The following RAPSN variants were observed in gnomAD, a reference collection of about 807,000 sequenced individuals.
RAPSN encodes the protein receptor associated protein of the synapse.
A neutral mutation model predicts 45.7 loss-of-function variants in RAPSN; 33 were observed. That is an observed-to-expected ratio of 0.72 (90% CI 0.55 to 0.97). The LOEUF is 0.97. RAPSN is among the 50% of genes least tolerant of loss of function. The probability of loss-of-function intolerance (pLI) is 0.00; values close to 1 mark genes in which losing one functional copy is unlikely to be tolerated. For missense variants in RAPSN, 519 were observed against 559.4 expected (o/e 0.93, Z 0.73); for synonymous variants, 244 against 233.6 (o/e 1.04, Z -0.40).
intron 2 of RAPSN, among the ~76,000 whole-genome samples, chr11:47,443,466 G>A (rs898623492): frequency 6.6e-6 from 1 of 152,056 alleles, no homozygotes; most frequent in African/African-American, 2.4e-5. Flanking sequence ...TCCCATCTCC[G>A]CACCTCTGCT....
chr11:47,438,916 G>A lies in RAPSN; in HGVS notation c.982C>T (p.Leu328=). The A allele has an allele frequency of 6.4e-7, 1 of 1,558,806 alleles. No homozygotes were observed. Among genetic ancestry groups the A allele is most frequent in the South Asian group, 1.2e-5 (1 of 84,614 alleles). Residue 328 remains leucine, a synonymous_variant, in exon 7 of 8, where the codon CTG becomes TTG. Coordinates refer to ENST00000298854, the MANE Select transcript of RAPSN (RefSeq NM_005055.5). ...EVGNKLSQLK[L]HCLSESIYRS... ...TAAATGCTCTCGCTCAGACAGTGCA[G>A]CTTGAGCTGGCTCAGCTGGGGCCCG...
Position 47,448,792 on chromosome 11 carries a change from C to A in RAPSN, c.173G>T (p.Arg58Leu), listed in dbSNP as rs373437117. 1.9e-6 allele frequency: 3 copies of A among 1,611,430 alleles called. No homozygotes were observed. The highest frequency in any genetic ancestry group is 1.3e-5 in the African/African-American group (1 of 74,934). ...ACCCACCTTCAGCATCTCCTTGTAGCGGCCCATCTCCGAGTGGGCTGTGAC... is the reference window on the plus strand; with the variant it reads ...ACCCACCTTCAGCATCTCCTTGTAGAGGCCCATCTCCGAGTGGGCTGTGAC... The part of the protein sequence containing the change: ...CLVTAHSEMG[R>L]YKEMLKFAVV... The change falls in exon 1 of 8, where the codon CGC (arginine) becomes CTC (leucine). Residue 58 changes from arginine (R) to leucine (L), a missense_variant. Arg to Leu is a moderately radical substitution (Grantham distance 102). Coordinates refer to ENST00000298854, the MANE Select transcript of RAPSN (RefSeq NM_005055.5).
rs868766270 is a variant in RAPSN at position 47,438,614 on chromosome 11, C to T, written c.1166+118G>A. 19 of 1,287,496 alleles carry T rather than the reference C, an allele frequency of 1.5e-5. No homozygotes were observed. The African/African-American group carries it at 1.8e-4, about 12-fold the overall frequency. 79.8% of individuals were successfully genotyped at this position (1,287,496 alleles called of 1,614,324 possible). A position where few individuals can be genotyped will look rare whatever the true frequency, so the allele number is the denominator to read the frequency against. ...CTTGCGAGACAGACGTGAGGCACCA[C>T]GCCTGGCCAAGGTTAAGTGTTTGCT... On this transcript the variant is annotated intron_variant, in intron 7 of 7. Coordinates refer to ENST00000298854, the MANE Select transcript of RAPSN (RefSeq NM_005055.5).
rs145197671 is a variant in RAPSN at position 47,448,147 on chromosome 11, C to A, written c.196G>T (p.Ala66Ser). ...MGRYKEMLKF[A>S]VVQIDTAREL... The stretch of plus-strand genomic sequence containing the variant: ...CGGGCCGTGTCGATCTGGACCACAG[C>A]GAACTGCACACAGCGACGGTGGGCA... Residue 66 changes from alanine to serine, a missense_variant, in exon 2 of 8, where the codon GCT becomes TCT. Physicochemically the swap from Ala to Ser is moderately conservative, Grantham distance 99. Coordinates refer to ENST00000298854, the MANE Select transcript of RAPSN (RefSeq NM_005055.5). The A allele has an allele frequency of 6.8e-6, 11 of 1,610,688 alleles. No homozygotes were observed. Among genetic ancestry groups the A allele is most frequent in the South Asian group, 3.3e-5 (3 of 91,084 alleles).
Position 47,448,018 on chromosome 11 carries a change from A to T in RAPSN, c.325T>A (p.Cys109Ser), listed in dbSNP as rs2076423375. 6.2e-7 allele frequency: 1 copy of T among 1,613,894 alleles called. No homozygotes were observed. Among genetic ancestry groups the T allele is most frequent in the Non-Finnish European group, 8.5e-7 (1 of 1,179,986 alleles). The part of the protein sequence containing the change: ...FHKTISYCKT[C>S]LGLPGTRAGA... ...GCCCTGGTACCAGGCAGCCCAAGGC[A>T]GGTCTTGCAGTAGGAGATGGTCTTG... The change falls in exon 2 of 8, where the codon TGC becomes AGC. Residue 109 changes from cysteine (C) to serine (S), a missense_variant. By Grantham distance (112) the Cys-to-Ser change is moderately radical. Transcript: ENST00000298854.
chr11:47,439,386 A>C (rs1245697530), intron 6 of RAPSN, among the ~76,000 whole-genome samples: 1 of 152,184 alleles, frequency 6.6e-6, no homozygotes, highest in Non-Finnish European at 1.5e-5. Context: ...AGGCAGGAGA[A>C]TCGCTTGAAC....
rs182711469 is a variant in RAPSN at position 47,444,533 on chromosome 11, T to C, written c.532-1719A>G. Among the ~76,000 whole-genome samples the C allele has an allele frequency of 3.1e-4, 47 of 151,132 alleles. No individual in the cohort carries two copies. In the East Asian group the frequency reaches 8.4e-3, roughly 27 times the overall value. ...CATCCTGGGTGACAGAGCAAGATCC[T>C]GTCTCAAAAAAAAACAAAAACAAAA... is the stretch of plus-strand genomic sequence containing the variant. On this transcript the variant is annotated intron_variant, in intron 2 of 7. Coordinates refer to ENST00000298854, the MANE Select transcript of RAPSN (RefSeq NM_005055.5).
At chr11:47,442,880 C>A in intron 2 of RAPSN, 66 bp from the exon 3 acceptor site, 1 of 1,605,590 alleles carries the variant, frequency 6.2e-7, no homozygotes, top group Non-Finnish European at 8.5e-7. Flanking sequence ...TCAAGGGCTC[C>A]TGGGCTAGGT....
chr11:47,445,999 G>A (rs1322645256), intron 2 of RAPSN, among the ~76,000 whole-genome samples: 1 of 151,734 alleles, frequency 6.6e-6, no homozygotes, highest in Non-Finnish European at 1.5e-5. Flanking sequence ...AACACTCATG[G>A]CTCACTGCAG....
chr11:47,448,759 C>A lies in RAPSN; in HGVS notation c.192+14G>T. The A allele has an allele frequency of 6.2e-7, 1 of 1,606,560 alleles. No homozygotes were observed. The highest frequency in any genetic ancestry group is 8.5e-7 in the Non-Finnish European group (1 of 1,179,910). ...AGCCTGACCCTCGAACGCCCCCAGGCCGGGTACACCCACCTTCAGCATCTC... is the reference window on the plus strand; with the variant it reads ...AGCCTGACCCTCGAACGCCCCCAGGACGGGTACACCCACCTTCAGCATCTC... On this transcript the variant is annotated intron_variant, in intron 1 of 7. Transcript: ENST00000298854.
intron 3 of RAPSN, among the ~76,000 whole-genome samples, chr11:47,442,367 A>G (rs1205773642): frequency 6.6e-6 from 1 of 152,234 alleles, no homozygotes; most frequent in Non-Finnish European, 1.5e-5. Context: ...CATTTAAAAA[A>G]TAAAAACTGG....
At position 47,448,980 on chromosome 11, in the gene RAPSN, T is replaced by C; in HGVS notation, c.-16A>G. On this transcript the variant is annotated 5_prime_UTR_variant, in exon 1 of 8. Coordinates refer to ENST00000298854, the MANE Select transcript of RAPSN (RefSeq NM_005055.5). The stretch of plus-strand genomic sequence containing the variant: ...CCTGCCCCATCCTCCCCAAGCCCTG[T>C]GTCCCACGTGGGGTGATCCCTGGTG... The C allele has an allele frequency of 6.2e-7, 1 of 1,614,232 alleles. No individual in the cohort carries two copies.
At position 47,449,123 on chromosome 11, in the gene RAPSN, G is replaced by T; in HGVS notation, c.-159C>A. ...AATGGGGCCTGGATGGAGAGCAGGC[G>T]CCACCCTGGGAACAAAGCTGGTTCA... is the stretch of plus-strand genomic sequence containing the variant. On this transcript the variant is annotated 5_prime_UTR_variant, in exon 1 of 8. Coordinates refer to ENST00000298854, the MANE Select transcript of RAPSN (RefSeq NM_005055.5). The T allele has an allele frequency of 1.2e-6, 1 of 835,800 alleles. No homozygotes were observed. The highest frequency in any genetic ancestry group is 2.0e-6 in the Non-Finnish European group (1 of 511,580). 51.8% of individuals were successfully genotyped at this position (835,800 alleles called of 1,614,324 possible). A position where few individuals can be genotyped will look rare whatever the true frequency, so the allele number is the denominator to read the frequency against.
At position 47,442,481 on chromosome 11, in the gene RAPSN, C is replaced by A. The variant is rs116941314; in HGVS notation, c.690+175G>T. On this transcript the variant is annotated intron_variant, in intron 3 of 7. Transcript: ENST00000298854. ...GTGGTTTAGTGAGACCCCGTCTCTA[C>A]AAAAATAAAATTAGCTGTGCATGGT... Among the ~76,000 whole-genome samples the A allele has an allele frequency of 0.014, 2,169 of 152,310 alleles. 30 individuals are homozygous for A. Among genetic ancestry groups the A allele is most frequent in the Non-Finnish European group, 0.021 (1,397 of 68,024 alleles).
chr11:47,443,966 AAAAGAAAAGAAGG>A (rs2076385509), intron 2 of RAPSN, among the ~76,000 whole-genome samples: 1 of 150,250 alleles, frequency 6.7e-6, no homozygotes, highest in East Asian at 1.9e-4. Context: ...AAAAGAAAAG[AAAAGAAAAGAAGG>A]AAAGAAAAAA....
chr11:47,441,148 TC>T lies in RAPSN; in HGVS notation c.966+10del. Reference sequence around the variant, plus strand: ...TTGACCCCAGATCCAGGACACAGAATCAAGTCTGACCTTGTTCCCCACCTCC... The same window carrying T: ...TTGACCCCAGATCCAGGACACAGAATAAGTCTGACCTTGTTCCCCACCTCC... On this transcript the variant is annotated intron_variant, in intron 6 of 7. Transcript: ENST00000298854. 6.2e-7 allele frequency: 1 copy of T among 1,613,950 alleles called. No individual in the cohort carries two copies. The highest frequency in any genetic ancestry group is 1.1e-5 in the South Asian group (1 of 91,072).
rs762052702 is a variant in RAPSN, at chr11:47,447,914, C to G, written c.429G>C (p.Leu143=). Residue 143 remains leucine, a synonymous_variant, in exon 2 of 8, where the codon CTG becomes CTC. Coordinates refer to ENST00000298854, the MANE Select transcript of RAPSN (RefSeq NM_005055.5). The part of the protein sequence containing the change: ...FLGLSVFQKA[L]ESFEKALRYA... ...AGCGCAGGGCCTTCTCGAAGCTCTCCAGGGCCTTCTGGAAGACGCTGAGGC... is the reference window on the plus strand; with the variant it reads ...AGCGCAGGGCCTTCTCGAAGCTCTCGAGGGCCTTCTGGAAGACGCTGAGGC... The G allele has an allele frequency of 6.2e-7, 1 of 1,613,474 alleles. No homozygotes were observed. The highest frequency in any genetic ancestry group is 8.5e-7 in the Non-Finnish European group (1 of 1,179,872).
At chr11:47,439,531 A>G (rs2076346801) in intron 6 of RAPSN, among the ~76,000 whole-genome samples, 1 of 152,086 alleles carries the variant, frequency 6.6e-6, no homozygotes, top group African/African-American at 2.4e-5. Context: ...TATACACACA[A>G]TAGCTCATCA....
Position 47,437,918 on chromosome 11 carries a change from G to T in RAPSN, c.*57C>A. Reference sequence around the variant, plus strand: ...CCCCAGGAGTAAATGGGCCTCTGGCGTGCAGTGGAGAAAGAGCAGGAGTGG... The same window carrying T: ...CCCCAGGAGTAAATGGGCCTCTGGCTTGCAGTGGAGAAAGAGCAGGAGTGG... On this transcript the variant is annotated 3_prime_UTR_variant, in exon 8 of 8. Coordinates refer to ENST00000298854, the MANE Select transcript of RAPSN (RefSeq NM_005055.5). The T allele has an allele frequency of 6.5e-7, 1 of 1,544,284 alleles. No individual in the cohort carries two copies. The highest frequency in any genetic ancestry group is 2.4e-5 in the East Asian group (1 of 40,860).
Sources: gnomAD v4.1 joint callset for allele counts (sites outside exome capture counted in the v4.1 genomes callset) on GRCh38, gnomAD v4.1.1 for gene constraint, MANE v1.5 for transcripts, NCBI Gene and HGNC (gene_info 2026-07-23, HGNC 2026-07-21) for gene names.